Variants in RSRP1 observed in about 807,000 individuals in gnomAD.
RSRP1 encodes the protein arginine and serine rich protein 1.
A neutral mutation model predicts 33.0 loss-of-function variants in RSRP1; 37 were observed. That is an observed-to-expected ratio of 1.12 (90% confidence interval 0.86 to 1.48). RSRP1 has a LOEUF of 1.48. Ranked by LOEUF, RSRP1 falls within the 40% of genes most tolerant of loss-of-function variation. The pLI is 0.00. For synonymous variants in RSRP1, 167 were observed against 158.7 expected (o/e 1.05, Z -0.40); for missense variants, 402 against 385.3 (o/e 1.04, Z -0.36).
At chr1:25,256,142 C>A (rs939477086) in intron 1 of RSRP1, among the ~76,000 whole-genome samples, 4 of 151,106 alleles carry the variant, frequency 2.6e-5, no homozygotes, top group African/African-American at 9.8e-5. Flanking sequence ...GTCTTCTATC[C>A]GGATCTTTTT....
intron 1 of RSRP1, among the ~76,000 whole-genome samples, chr1:25,285,846 T>A (rs1641939640): frequency 7.4e-6 from 1 of 134,382 alleles, no homozygotes. Flanking sequence ...CCTAGGCATC[T>A]TAGGGACCTC....
intron 3 of RSRP1, 69 bp downstream of exon 3, chr1:25,245,074 CTAAGATA>C: frequency 6.2e-7 from 1 of 1,612,688 alleles, no homozygotes; most frequent in Non-Finnish European, 8.5e-7. Flanking sequence ...AAAGTATAGT[CTAAGATA>C]TAAGTGGCTA....
rs189418121 is a variant in RSRP1 at position 25,320,574 on chromosome 1, T to G, written c.-67+17404A>C. Among the ~76,000 whole-genome samples the G allele has an allele frequency of 3.8e-5, 5 of 131,962 alleles. 2 individuals carry two copies. Among genetic ancestry groups the G allele is most frequent in the Middle Eastern group, 8.1e-3 (2 of 246 alleles). The allele number at this position is 131,962 out of a possible 152,430, so 86.6% of individuals were successfully genotyped here. A position where few individuals can be genotyped will look rare whatever the true frequency, so the allele number is the denominator to read the frequency against. The stretch of plus-strand genomic sequence containing the variant: ...ACGAATCTCACTAAGCACTCGCCCA[T>G]TCTTGTTAACGACACTGGAACTGAT... On this transcript the variant is annotated intron_variant, in intron 1 of 1. Transcript: ENST00000561867.
At position 25,290,646 on chromosome 1, in the gene RSRP1, G is replaced by A. The variant is rs530929152; in HGVS notation, c.-66-43617C>T. The A allele has an allele frequency of 5.8e-6, 8 of 1,377,854 alleles. No homozygotes were observed. The East Asian group carries it at 1.1e-4, about 19-fold the overall frequency. 85.4% of individuals were successfully genotyped at this position (1,377,854 alleles called of 1,614,324 possible). A position where few individuals can be genotyped will look rare whatever the true frequency, so the allele number is the denominator to read the frequency against. On this transcript the variant is annotated intron_variant, in intron 1 of 1. Transcript: ENST00000561867. Reference sequence around the variant, plus strand: ...GCTCTCCCTCTCTCCCCCAGTATTCGGCTGGCCACCATGAGTGCTTTGTCG... The same window carrying A: ...GCTCTCCCTCTCTCCCCCAGTATTCAGCTGGCCACCATGAGTGCTTTGTCG...
chr1:25,278,026 C>T lies in RSRP1; in HGVS notation c.-66-30997G>A, dbSNP rs1223469689. ...AATAAAATAAATAAAACTAGAATTG[C>T]TTGTTTTCTTCCAGCTACCCTGGTG... is the stretch of plus-strand genomic sequence containing the variant. On this transcript the variant is annotated intron_variant, in intron 1 of 1. Coordinates refer to the RSRP1 transcript ENST00000561867. 3.1e-5 allele frequency among the ~76,000 whole-genome samples: 4 copies of T among 130,432 alleles called. 1 individual carries two copies. Among genetic ancestry groups the T allele is most frequent in the Non-Finnish European group, 7.3e-5 (4 of 55,036 alleles). 85.6% of individuals were successfully genotyped at this position (130,432 alleles called of 152,430 possible).
At chr1:25,292,732 G>T (rs2124648361) in intron 1 of RSRP1, among the ~76,000 whole-genome samples, 1 of 126,436 alleles carries the variant, frequency 7.9e-6, no homozygotes, top group Admixed American at 7.8e-5. Context: ...TTAGTGGAAA[G>T]GTTAGGGCTA....
chr1:25,270,089 A>C lies in RSRP1; in HGVS notation c.-66-23060T>G, dbSNP rs1161952127. 4.5e-4 allele frequency among the ~76,000 whole-genome samples: 60 copies of C among 132,202 alleles called. 4 individuals are homozygous for C. The highest frequency in any genetic ancestry group is 1.5e-3 in the African/African-American group (59 of 38,808). 86.7% of individuals were successfully genotyped at this position (132,202 alleles called of 152,430 possible). On this transcript the variant is annotated intron_variant, in intron 1 of 1. Coordinates refer to the RSRP1 transcript ENST00000561867. ...GTCACATCCATTTATCCCACTGCGC[A>C]GAGGAGTTCCTTCTCAGGAAACCCA...
At chr1:25,251,330 C>A (rs566044656), upstream of RSRP1, among the ~76,000 whole-genome samples, 3 of 152,216 alleles carry the variant, frequency 2.0e-5, no homozygotes, top group East Asian at 5.8e-4. Context: ...ATTACCACAG[C>A]AATAGGAAAA....
chr1:25,303,600 G>C, intron 1 of RSRP1: 1 of 929,638 alleles, frequency 1.1e-6, no homozygotes, highest in East Asian at 2.5e-5. Context: ...CCTAGTGAGG[G>C]ATCCATCCTG....
At chr1:25,254,891 C>A (rs28605235) in intron 1 of RSRP1, among the ~76,000 whole-genome samples, 1 of 152,242 alleles carries the variant, frequency 6.6e-6, no homozygotes, top group South Asian at 2.1e-4. Flanking sequence ...ACGGAAGAAC[C>A]GATTGGTGCC....
chr1:25,315,150 A>G (rs1247961367), intron 1 of RSRP1, among the ~76,000 whole-genome samples: 1 of 129,756 alleles, frequency 7.7e-6, no homozygotes, highest in Non-Finnish European at 1.8e-5. Flanking sequence ...GCAAGACTCC[A>G]TCTCAAAAAA....
intron 1 of RSRP1, among the ~76,000 whole-genome samples, chr1:25,263,140 T>C (rs1640209471): frequency 6.6e-6 from 1 of 151,996 alleles, no homozygotes; most frequent in African/African-American, 2.4e-5. Flanking sequence ...GGAATACAAC[T>C]TCCAGGTAGA....
In RSRP1 at chr1:25,316,374, C is replaced by A. The variant is rs1172735293; in HGVS notation, c.-67+21604G>T. 7.0e-5 allele frequency among the ~76,000 whole-genome samples: 9 copies of A among 129,486 alleles called. 1 individual carries two copies. Among genetic ancestry groups the A allele is most frequent in the African/African-American group, 1.3e-4 (5 of 37,518 alleles). 84.9% of individuals were successfully genotyped at this position (129,486 alleles called of 152,430 possible). ...GTGGCTCATGTCTGTAATCCCAGCA[C>A]TTTGGGAGGCCGAGGCGGGCAGATC... On this transcript the variant is annotated intron_variant, in intron 1 of 1. Coordinates refer to the RSRP1 transcript ENST00000561867.
Position 25,275,275 on chromosome 1 carries a change from G to A in RSRP1, c.-66-28246C>T, listed in dbSNP as rs1300840130. On this transcript the variant is annotated intron_variant, in intron 1 of 1. Transcript: ENST00000561867. ...TGCACTCCACCCTGGGTGACAGAGT[G>A]GGACTCTGTCTGAAAAAAATAATAG... Among the ~76,000 whole-genome samples the A allele has an allele frequency of 6.8e-5, 9 of 132,204 alleles. No homozygotes were observed. In the East Asian group the frequency reaches 1.7e-3, roughly 26 times the overall value. 86.7% of individuals were successfully genotyped at this position (132,204 alleles called of 152,430 possible). A position where few individuals can be genotyped will look rare whatever the true frequency, so the allele number is the denominator to read the frequency against.
At position 25,243,702 on chromosome 1, in the gene RSRP1, A is replaced by T. The variant is rs1465912827; in HGVS notation, c.673-69T>A. On this transcript the variant is annotated intron_variant, in intron 3 of 4. Coordinates refer to ENST00000243189, the MANE Select transcript of RSRP1 (RefSeq NM_020317.5). ...TGGTTTCTAAATCCTATATTAAAAA[A>T]TAGCCTAATTGTAAACAAAATTTAG... The T allele has an allele frequency of 3.2e-6, 5 of 1,582,154 alleles. No individual in the cohort carries two copies. The Admixed American group carries it at 8.9e-5, about 28-fold the overall frequency.
At chr1:25,244,707 C>T (rs1408143359) in intron 3 of RSRP1, 7 of 1,186,914 alleles carry the variant, frequency 5.9e-6, no homozygotes, top group Non-Finnish European at 7.4e-6. Flanking sequence ...TTTTTTGAGA[C>T]AGGGTCTCGC....
chr1:25,310,767 T>C (rs1395650808), intron 1 of RSRP1, among the ~76,000 whole-genome samples: 1 of 131,338 alleles, frequency 7.6e-6, no homozygotes, highest in African/African-American at 2.6e-5. Context: ...AGGTCAGGAG[T>C]TCGAGACCAG....
At chr1:25,301,070 T>C in intron 1 of RSRP1, 1 of 1,376,330 alleles carries the variant, frequency 7.3e-7, no homozygotes, top group Non-Finnish European at 1.0e-6. Context: ...ACAGCAACGA[T>C]ACCCAGTTTG....
In RSRP1 at chr1:25,246,977, T is replaced by G. The variant is rs377021867; in HGVS notation, c.-14A>C. 4.5e-6 allele frequency: 7 copies of G among 1,546,472 alleles called. No individual in the cohort carries two copies. The highest frequency in any genetic ancestry group is 6.1e-6 in the Non-Finnish European group (7 of 1,144,278). On this transcript the variant is annotated 5_prime_UTR_variant, in exon 2 of 5. Coordinates refer to ENST00000243189, the MANE Select transcript of RSRP1 (RefSeq NM_020317.5). ...GTAGTTGGACATCTTCACCTGCGGCTTTAGCCTGCGCTTTCTCCGGAAAGG... is the reference window on the plus strand; with the variant it reads ...GTAGTTGGACATCTTCACCTGCGGCGTTAGCCTGCGCTTTCTCCGGAAAGG...
Sources: gnomAD v4.1 joint callset for allele counts (sites outside exome capture counted in the v4.1 genomes callset) on GRCh38, gnomAD v4.1.1 for gene constraint, MANE v1.5 for transcripts, NCBI Gene and HGNC (gene_info 2026-07-23, HGNC 2026-07-21) for gene names.